DAPK1: variants seen among roughly 807,000 people sequenced by gnomAD.
The protein encoded by DAPK1 is death associated protein kinase 1, also known as death-associated protein kinase 1.
Under a neutral mutation model 144.9 loss-of-function variants are expected in DAPK1, and 56 were observed. The observed-to-expected ratio is 0.39, with a 90% CI of 0.31 to 0.48. The LOEUF (loss-of-function observed/expected upper bound fraction) is 0.48. DAPK1 is among the 20% of genes least tolerant of loss of function. The pLI, the probability that DAPK1 is intolerant of heterozygous loss-of-function variation, is 0.95. For synonymous variants in DAPK1, 690 were observed against 749.0 expected, an observed-to-expected ratio of 0.92 and a Z score of 1.29; for missense variants, 1,454 against 1,875.4, an observed-to-expected ratio of 0.78 and a Z score of 4.15.
chr9:87,558,181 TG>T (rs1183756178), intron 2 of DAPK1, among the ~76,000 whole-genome samples: 1 of 152,198 alleles, frequency 6.6e-6, no homozygotes, highest in East Asian at 1.9e-4. Context: ...GCTTGTGGTC[TG>T]TCTGGTTTCA....
At chr9:87,525,182 G>T (rs967433862) in intron 2 of DAPK1, 3 of 737,250 alleles carry the variant, frequency 4.1e-6, no homozygotes, top group Non-Finnish European at 7.1e-6. Context: ...CTTCCTGTGT[G>T]TTTGGATGAG....
intron 18 of DAPK1, 66 bp downstream of exon 18, chr9:87,658,193 A>G: frequency 1.5e-6 from 1 of 685,346 alleles, no homozygotes; most frequent in South Asian, 1.7e-5. Flanking sequence ...CCAGGGCAGG[A>G]GGGACAGGGC....
intron 2 of DAPK1, among the ~76,000 whole-genome samples, chr9:87,566,991 T>A (rs1827150185): frequency 6.6e-6 from 1 of 152,182 alleles, no homozygotes; most frequent in African/African-American, 2.4e-5. Context: ...AGAAAGCTCA[T>A]TAATGAAGGG....
chr9:87,525,228 CA>C, intron 2 of DAPK1: 2 of 1,023,106 alleles, frequency 2.0e-6, no homozygotes, highest in Non-Finnish European at 1.5e-6. Flanking sequence ...TCACCCTACC[CA>C]ATGCAGTGCT....
intron 21 of DAPK1, among the ~76,000 whole-genome samples, chr9:87,692,120 TC>T (rs1297496927): frequency 2.6e-5 from 4 of 152,242 alleles, no homozygotes; most frequent in African/African-American, 7.2e-5. Flanking sequence ...GTCTATCTGT[TC>T]CTATAGATCT....
At chr9:87,597,307 C>CT (rs1828352351) in intron 2 of DAPK1, among the ~76,000 whole-genome samples, 2 of 152,198 alleles carry the variant, frequency 1.3e-5, no homozygotes, top group African/African-American at 4.8e-5. Context: ...CAGCTGAAAG[C>CT]TTCAGCATCT....
At chr9:87,505,457 G>A (rs536795283) in intron 2 of DAPK1, among the ~76,000 whole-genome samples, 6 of 152,244 alleles carry the variant, frequency 3.9e-5, no homozygotes, top group South Asian at 2.1e-4. Context: ...GTGTAGTGGC[G>A]TGATCTCGGC....
At chr9:87,509,850 C>A (rs1227108627) in intron 2 of DAPK1, among the ~76,000 whole-genome samples, 1 of 152,210 alleles carries the variant, frequency 6.6e-6, no homozygotes, top group Non-Finnish European at 1.5e-5. Flanking sequence ...TTTCCTTCTG[C>A]ACCACAGCAC....
intron 2 of DAPK1, among the ~76,000 whole-genome samples, chr9:87,524,426 C>T (rs1444513201): frequency 6.6e-6 from 1 of 152,162 alleles, no homozygotes; most frequent in Non-Finnish European, 1.5e-5. Flanking sequence ...TGTGTGTTCC[C>T]TAAGCTGACG....
chr9:87,523,666 A>T (rs1825383225), intron 2 of DAPK1, among the ~76,000 whole-genome samples: 1 of 152,130 alleles, frequency 6.6e-6, no homozygotes, highest in South Asian at 2.1e-4. Flanking sequence ...CTTATTATGT[A>T]TGTTTAAGTC....
At chr9:87,667,806 C>G (rs1396876704) in intron 18 of DAPK1, 2 of 151,972 alleles carry the variant, frequency 1.3e-5, no homozygotes, top group Admixed American at 6.6e-5. Context: ...CAGAACAGCC[C>G]CTACATGTCC....
chr9:87,524,989 A>G (rs4878086), intron 2 of DAPK1, among the ~76,000 whole-genome samples: 1 of 151,962 alleles, frequency 6.6e-6, no homozygotes, highest in Non-Finnish European at 1.5e-5. Flanking sequence ...ATCCCCACTA[A>G]AGAACTTGCT....
intron 1 of DAPK1, chr9:87,498,440 A>T (rs1201076860): frequency 3.5e-6 from 1 of 287,082 alleles, no homozygotes; most frequent in Admixed American, 5.2e-5. Flanking sequence ...GGTAACGGAG[A>T]GGGAGTCGCC....
intron 2 of DAPK1, among the ~76,000 whole-genome samples, chr9:87,538,069 TA>T (rs1825921076): frequency 1.3e-5 from 2 of 152,180 alleles, no homozygotes; most frequent in African/African-American, 4.8e-5. Context: ...GGATTCTAAT[TA>T]AAGTTAAAGC....
chr9:87,650,195 G>GT, intron 16 of DAPK1, 77 bp downstream of exon 16: 1 of 1,465,672 alleles, frequency 6.8e-7, no homozygotes, highest in Non-Finnish European at 9.4e-7. Flanking sequence ...TCCTCAGTTT[G>GT]TTTCCCTAAG....
Position 87,643,682 on chromosome 9 carries a change from CT to C in DAPK1, c.1011+215del, listed in dbSNP as rs1682450720. ...TTTGATTTGGATGGTGCTGTCCCCC[CT>C]CATAGCCCCATACCTCTAACACTAC... On this transcript the variant is annotated intron_variant, in intron 11 of 25. Coordinates refer to ENST00000408954, the MANE Select transcript of DAPK1 (RefSeq NM_004938.4). Among the ~76,000 whole-genome samples, 6 of 151,998 alleles carry C rather than the reference CT, an allele frequency of 3.9e-5. No individual in the cohort carries two copies. In the South Asian group the frequency reaches 1.0e-3, roughly 26 times the overall value.
rs1400567336 is a variant in DAPK1 at position 87,499,040 on chromosome 9, G to A, written c.-38G>A. 8.1e-6 allele frequency: 13 copies of A among 1,603,944 alleles called. No individual in the cohort carries two copies. The Admixed American group carries it at 1.8e-4, about 23-fold the overall frequency. ...TGGTGATGGTCTGGGAAGCGGAGCT[G>A]AAGTGCCCTGGGCTTTGGTGAGGCG... is the stretch of plus-strand genomic sequence containing the variant. On this transcript the variant is annotated 5_prime_UTR_variant, in exon 2 of 26. Coordinates refer to ENST00000408954, the MANE Select transcript of DAPK1 (RefSeq NM_004938.4).
At chr9:87,528,696 C>A (rs748442718) in intron 2 of DAPK1, among the ~76,000 whole-genome samples, 6 of 151,684 alleles carry the variant, frequency 4.0e-5, no homozygotes, top group Non-Finnish European at 5.9e-5. Context: ...ATGGTGGAAC[C>A]CCATGTCTAC....
At chr9:87,533,966 T>G (rs1825781308) in intron 2 of DAPK1, among the ~76,000 whole-genome samples, 1 of 152,138 alleles carries the variant, frequency 6.6e-6, no homozygotes, top group Admixed American at 6.5e-5. Flanking sequence ...CCTGGCCGAG[T>G]CCACTCATTT....
Sources: gnomAD v4.1 joint callset for allele counts (sites outside exome capture counted in the v4.1 genomes callset) on GRCh38, gnomAD v4.1.1 for gene constraint, MANE v1.5 for transcripts, NCBI Gene and HGNC (gene_info 2026-07-23, HGNC 2026-07-21) for gene names.